DSCAM: variants seen among roughly 807,000 people sequenced by gnomAD.
DSCAM encodes the protein DS cell adhesion molecule.
Under a neutral mutation model 217.7 loss-of-function variants are expected in DSCAM, and 47 were observed. The observed-to-expected ratio is 0.22, with a 90% confidence interval of 0.17 to 0.28. The LOEUF is 0.28. Ranked by LOEUF, DSCAM falls within the 10% of genes least tolerant of loss-of-function variation. DSCAM has a pLI of 1.00. For missense variants in DSCAM, 2,080 were observed against 2,618.3 expected (o/e 0.79, Z 4.49); for synonymous variants, 1,056 against 1,015.3 (o/e 1.04, Z -0.76).
chr21:40,664,807 T>C (rs564951906), intron 3 of DSCAM, among the ~76,000 whole-genome samples: 4 of 152,302 alleles, frequency 2.6e-5, no homozygotes, highest in Admixed American at 2.6e-4. Context: ...GCTTGGATGT[T>C]TGTCCCCTCC....
intron 3 of DSCAM, among the ~76,000 whole-genome samples, chr21:40,611,077 G>A (rs1468426355): frequency 2.2e-5 from 1 of 45,702 alleles, no homozygotes; most frequent in South Asian, 7.0e-4. Context: ...TTTTTTTTTT[G>A]GGATGGAGAC....
At chr21:40,650,127 TTTC>T (rs1568962634) in intron 3 of DSCAM, among the ~76,000 whole-genome samples, 2 of 152,156 alleles carry the variant, frequency 1.3e-5, no homozygotes, top group African/African-American at 4.8e-5. Context: ...GGACTTTTTT[TTTC>T]TTTTTTTAAT....
At chr21:40,100,814 A>G (rs2089740628) in intron 20 of DSCAM, among the ~76,000 whole-genome samples, 1 of 152,188 alleles carries the variant, frequency 6.6e-6, no homozygotes, top group South Asian at 2.1e-4. Context: ...TAATATTTAA[A>G]TATTTCATTT....
chr21:40,175,807 A>ACACACACG (rs531907462), intron 15 of DSCAM, among the ~76,000 whole-genome samples: 1 of 88,176 alleles, frequency 1.1e-5, no homozygotes, highest in African/African-American at 3.5e-5. Flanking sequence ...ACACACACAC[A>ACACACACG]CGCACACACA....
rs777321747 is a variant in DSCAM, at chr21:40,093,799, T to C, written c.3772A>G (p.Ser1258Gly). The change falls in exon 21 of 33, where the codon AGC (serine) becomes GGC (glycine). Residue 1258 changes from serine to glycine, a missense_variant. Transcript: ENST00000400454. ...GAAGTAACAGCCACCACCCAGACGCTGTACTGACGATTCCTACTCAGGTTG... is the reference window on the plus strand; with the variant it reads ...GAAGTAACAGCCACCACCCAGACGCCGTACTGACGATTCCTACTCAGGTTG... Reference protein sequence around the residue: ...IPNLSRNRQYSVWVVAVTSAG... With the variant: ...IPNLSRNRQYGVWVVAVTSAG... The C allele has an allele frequency of 1.9e-6, 3 of 1,613,878 alleles. No homozygotes were observed. The South Asian group carries it at 3.3e-5, about 18-fold the overall frequency.
In DSCAM at chr21:40,368,236, C is replaced by A. The variant is rs565575618; in HGVS notation, c.655+863G>T. ...AAATTTCTCTTTAACACAAAGAGGA[C>A]GTTTTCTAGGATTTTCTGAATAAGC... On this transcript the variant is annotated intron_variant, in intron 4 of 32. Coordinates refer to ENST00000400454, the MANE Select transcript of DSCAM (RefSeq NM_001389.5). 2.0e-5 allele frequency among the ~76,000 whole-genome samples: 3 copies of A among 152,240 alleles called. No homozygotes were observed. The South Asian group carries it at 6.2e-4, about 32-fold the overall frequency.
chr21:40,511,718 G>A (rs374774556), intron 3 of DSCAM, among the ~76,000 whole-genome samples: 20 of 152,074 alleles, frequency 1.3e-4, no homozygotes, highest in East Asian at 5.8e-4. Flanking sequence ...TCGGCCGGGC[G>A]CGGTGGCTCA....
At chr21:40,312,439 A>C in intron 8 of DSCAM, 80 bp from the exon 9 acceptor site, 1 of 1,503,280 alleles carries the variant, frequency 6.7e-7, no homozygotes, top group African/African-American at 1.4e-5. Context: ...ACGGCACTGA[A>C]AGGGTAGTAC....
chr21:40,323,981 G>C (rs571424141), intron 8 of DSCAM, among the ~76,000 whole-genome samples: 245 of 151,846 alleles, frequency 1.6e-3, no homozygotes, highest in Non-Finnish European at 2.8e-3. Flanking sequence ...GCTCACCCCT[G>C]TAATCCCAGT....
At chr21:40,275,888 T>C (rs1293917486) in intron 11 of DSCAM, among the ~76,000 whole-genome samples, 2 of 152,184 alleles carry the variant, frequency 1.3e-5, no homozygotes, top group Admixed American at 6.5e-5. Context: ...CAAGGGGCCC[T>C]GGGCACACTG....
intron 3 of DSCAM, among the ~76,000 whole-genome samples, chr21:40,425,395 C>G (rs372869406): frequency 6.6e-6 from 1 of 151,956 alleles, no homozygotes; most frequent in Non-Finnish European, 1.5e-5. Context: ...TGAGAACATG[C>G]GGTGTTTGGT....
At chr21:40,576,865 A>G (rs2076854917) in intron 3 of DSCAM, among the ~76,000 whole-genome samples, 1 of 152,108 alleles carries the variant, frequency 6.6e-6, no homozygotes, top group Non-Finnish European at 1.5e-5. Flanking sequence ...ATATCTTTTT[A>G]TACCTTTGCA....
intron 3 of DSCAM, among the ~76,000 whole-genome samples, chr21:40,493,979 C>G (rs1334889597): frequency 2.0e-5 from 3 of 151,094 alleles, no homozygotes; most frequent in Non-Finnish European, 4.4e-5. Context: ...CTTAAAATAG[C>G]CTGTTATAAA....
chr21:40,049,514 G>GACTT (rs150742882), intron 30 of DSCAM, among the ~76,000 whole-genome samples: 4,978 of 152,108 alleles, frequency 0.033, 126 homozygotes, highest in African/African-American at 0.067. Context: ...TTCTGTCTAG[G>GACTT]ACTTACTGAG....
chr21:40,575,398 G>T (rs530426622), intron 3 of DSCAM, among the ~76,000 whole-genome samples: 3 of 151,948 alleles, frequency 2.0e-5, no homozygotes, highest in Non-Finnish European at 4.4e-5. Flanking sequence ...TCTTCACACG[G>T]ACGCGAATGA....
chr21:40,349,589 T>A (rs748988644), intron 5 of DSCAM, among the ~76,000 whole-genome samples: 4 of 152,222 alleles, frequency 2.6e-5, no homozygotes, highest in Non-Finnish European at 5.9e-5. Flanking sequence ...CTTTCATACA[T>A]CATTTAAGTC....
At chr21:40,646,332 C>T (rs1336131225) in intron 3 of DSCAM, among the ~76,000 whole-genome samples, 1 of 151,452 alleles carries the variant, frequency 6.6e-6, no homozygotes, top group Non-Finnish European at 1.5e-5. Flanking sequence ...GGAGGCTTGA[C>T]CCCAGGAGGT....
At chr21:40,490,689 G>A (rs535098512) in intron 3 of DSCAM, among the ~76,000 whole-genome samples, 3 of 152,302 alleles carry the variant, frequency 2.0e-5, no homozygotes, top group South Asian at 2.1e-4. Flanking sequence ...GGTAGGATGA[G>A]GACCAATTGT....
chr21:40,236,146 G>T (rs990974059), intron 11 of DSCAM, among the ~76,000 whole-genome samples: 2 of 152,172 alleles, frequency 1.3e-5, no homozygotes, highest in Non-Finnish European at 2.9e-5. Context: ...CTTGAACTTA[G>T]CTGCCCATGT....
Sources: allele counts gnomAD v4.1 joint callset (sites outside exome capture counted in the v4.1 genomes callset), GRCh38; gene constraint gnomAD v4.1.1; transcripts MANE v1.5; gene names NCBI Gene and HGNC (gene_info 2026-07-23, HGNC 2026-07-21).